TENM4: variants seen among roughly 807,000 people sequenced by gnomAD.
TENM4 encodes the protein teneurin transmembrane protein 4, also known as teneurin-4.
Under a neutral mutation model 243.3 loss-of-function variants are expected in TENM4, and 82 were observed. The ratio of observed to expected loss-of-function variants is 0.34; its 90% CI spans 0.28 to 0.40. The LOEUF (loss-of-function observed/expected upper bound fraction) is 0.40, where lower values mean the gene tolerates loss of function less well. TENM4 is among the 10% of genes least tolerant of loss of function. The pLI is 1.00. For missense variants in TENM4, 3,138 were observed against 3,673.3 expected (o/e 0.85, Z 3.77); for synonymous variants, 1,412 against 1,456.3 (o/e 0.97, Z 0.69).
chr11:79,379,866 G>C (rs1433546421), intron 1 of TENM4, among the ~76,000 whole-genome samples: 1 of 152,174 alleles, frequency 6.6e-6, no homozygotes, highest in Non-Finnish European at 1.5e-5. Flanking sequence ...CTTGAGGAAC[G>C]GGGCTAATGG....
At chr11:79,086,047 C>T (rs1372730969) in intron 4 of TENM4, among the ~76,000 whole-genome samples, 1 of 152,224 alleles carries the variant, frequency 6.6e-6, no homozygotes, top group African/African-American at 2.4e-5. Context: ...TGGTAGACTG[C>T]CATACTAATG....
chr11:79,378,165 C>T (rs1461345937), intron 1 of TENM4, among the ~76,000 whole-genome samples: 2 of 152,248 alleles, frequency 1.3e-5, no homozygotes, highest in East Asian at 3.8e-4. Flanking sequence ...GCAACAGCTT[C>T]TCCCCAGGAA....
chr11:79,305,984 T>C (rs564786981), intron 1 of TENM4, among the ~76,000 whole-genome samples: 1 of 152,256 alleles, frequency 6.6e-6, no homozygotes, highest in South Asian at 2.1e-4. Context: ...TGCAAAACCA[T>C]CCACCCAAGC....
chr11:79,082,150 C>A (rs1442532089), intron 4 of TENM4, among the ~76,000 whole-genome samples: 1 of 152,192 alleles, frequency 6.6e-6, no homozygotes, highest in Non-Finnish European at 1.5e-5. Flanking sequence ...TACAACTCTC[C>A]ATATGCCACC....
chr11:79,294,866 A>C (rs957630051), intron 2 of TENM4, among the ~76,000 whole-genome samples: 52 of 152,206 alleles, frequency 3.4e-4, no homozygotes, highest in African/African-American at 1.2e-3. Flanking sequence ...AAAAGAAGCT[A>C]AGTCAAGAGT....
At chr11:79,386,400 A>G (rs1473810950) in intron 1 of TENM4, among the ~76,000 whole-genome samples, 3 of 152,228 alleles carry the variant, frequency 2.0e-5, no homozygotes, top group Non-Finnish European at 4.4e-5. Flanking sequence ...CAAAAAGGAA[A>G]AAGGTTAATA....
intron 6 of TENM4, among the ~76,000 whole-genome samples, chr11:78,938,149 G>A (rs1306312468): frequency 2.6e-5 from 4 of 152,146 alleles, no homozygotes; most frequent in African/African-American, 9.7e-5. Context: ...AATAAAGTGT[G>A]AACTCTTTAG....
chr11:78,995,856 C>T (rs1207276166), intron 6 of TENM4, among the ~76,000 whole-genome samples: 3 of 152,130 alleles, frequency 2.0e-5, no homozygotes, highest in Non-Finnish European at 1.5e-5. Flanking sequence ...ATCACTTAAG[C>T]TCTCTGAATT....
intron 1 of TENM4, among the ~76,000 whole-genome samples, chr11:79,297,991 A>T (rs1321242921): frequency 6.6e-6 from 1 of 151,302 alleles, no homozygotes; most frequent in African/African-American, 2.4e-5. Context: ...GGCTATCAAG[A>T]TATCCCATAT....
intron 1 of TENM4, among the ~76,000 whole-genome samples, chr11:79,425,197 A>G (rs555008210): frequency 1.3e-5 from 2 of 152,242 alleles, no homozygotes; most frequent in South Asian, 4.2e-4. Context: ...GGTGCTAAGG[A>G]TCAAGGTGAG....
intron 12 of TENM4, among the ~76,000 whole-genome samples, chr11:78,845,342 G>A (rs1047518747): frequency 1.3e-5 from 2 of 152,204 alleles, no homozygotes; most frequent in Non-Finnish European, 2.9e-5. Flanking sequence ...ATTCTCTAAA[G>A]TAAGTTTGAT....
chr11:79,415,194 A>G (rs1273601152), intron 1 of TENM4, among the ~76,000 whole-genome samples: 1 of 152,196 alleles, frequency 6.6e-6, no homozygotes, highest in Admixed American at 6.5e-5. Flanking sequence ...CCAATCCTCA[A>G]AGAATGTCTG....
chr11:79,421,143 T>A (rs1168745975), intron 1 of TENM4, among the ~76,000 whole-genome samples: 2 of 152,212 alleles, frequency 1.3e-5, no homozygotes, highest in African/African-American at 4.8e-5. Flanking sequence ...GAAAGCACAC[T>A]GGTCAATTTT....
At chr11:79,250,525 C>A (rs754166927) in intron 2 of TENM4, among the ~76,000 whole-genome samples, 5 of 152,216 alleles carry the variant, frequency 3.3e-5, no homozygotes, top group African/African-American at 9.6e-5. Context: ...TGAAGGCCAA[C>A]CCCACTGTTC....
chr11:79,125,241 T>C (rs1453778532), intron 4 of TENM4, among the ~76,000 whole-genome samples: 1 of 152,134 alleles, frequency 6.6e-6, no homozygotes, highest in Non-Finnish European at 1.5e-5. Flanking sequence ...TTTGAACATA[T>C]GTGGAGAGCT....
At chr11:79,322,825 G>C (rs78572023) in intron 1 of TENM4, among the ~76,000 whole-genome samples, 2,387 of 152,242 alleles carry the variant, frequency 0.016, 58 homozygotes, top group African/African-American at 0.054. Flanking sequence ...CTCTGGAGAG[G>C]CATATTTATT....
intron 1 of TENM4, among the ~76,000 whole-genome samples, chr11:79,412,592 C>T (rs561357563): frequency 6.6e-6 from 1 of 152,292 alleles, no homozygotes; most frequent in Non-Finnish European, 1.5e-5. Context: ...AAGTAACAGT[C>T]CTTACTTCCT....
chr11:79,121,061 T>C (rs1861735537), intron 4 of TENM4, among the ~76,000 whole-genome samples: 1 of 152,166 alleles, frequency 6.6e-6, no homozygotes, highest in Non-Finnish European at 1.5e-5. Context: ...GTTGTGATCA[T>C]ATTGTCCAAA....
chr11:79,183,572 T>C (rs991691623), intron 3 of TENM4, among the ~76,000 whole-genome samples: 7 of 152,202 alleles, frequency 4.6e-5, no homozygotes, highest in South Asian at 2.1e-4. Context: ...TGTGTCAATG[T>C]AGGTTCATCA....
Sources: allele counts gnomAD v4.1 joint callset (sites outside exome capture counted in the v4.1 genomes callset), GRCh38; gene constraint gnomAD v4.1.1; transcripts MANE v1.5; gene names NCBI Gene and HGNC (gene_info 2026-07-23, HGNC 2026-07-21).